CHRDL1: variants seen among roughly 807,000 people sequenced by gnomAD.
The protein encoded by CHRDL1 is chordin-like protein 1.
Under a neutral mutation model 40.9 loss-of-function variants are expected in CHRDL1, and 19 were observed. The observed-to-expected ratio is 0.46, with a 90% CI of 0.32 to 0.68. The LOEUF (loss-of-function observed/expected upper bound fraction) is 0.68, where lower values mean the gene tolerates loss of function less well. CHRDL1 is among the 30% of genes least tolerant of loss of function. The probability of loss-of-function intolerance (pLI) is 0.03; values close to 1 mark genes in which losing one functional copy is unlikely to be tolerated. For synonymous variants in CHRDL1, 136 were observed against 123.4 expected, an observed-to-expected ratio of 1.10 and a Z score of -0.68; for missense variants, 329 against 352.1, an observed-to-expected ratio of 0.93 and a Z score of 0.53.
At chrX:110,689,675 C>CTA (rs1222959441) in intron 8 of CHRDL1, among the ~76,000 whole-genome samples, 1 of 29,404 alleles carries the variant, frequency 3.4e-5, no homozygotes, top group Non-Finnish European at 4.9e-5. Flanking sequence ...ATCTATATAT[C>CTA]TATATATCTA....
intron 6 of CHRDL1, among the ~76,000 whole-genome samples, chrX:110,714,636 A>T (rs2070808558): frequency 9.0e-6 from 1 of 111,407 alleles, no homozygotes; most frequent in Admixed American, 9.6e-5. Context: ...CCCAGCCTCA[A>T]AGACACGTCT....
intron 6 of CHRDL1, among the ~76,000 whole-genome samples, chrX:110,715,951 C>T (rs2070833685): frequency 1.8e-5 from 2 of 112,391 alleles, no homozygotes; most frequent in African/African-American, 6.5e-5. Context: ...CAGACATATA[C>T]ACACACACAT....
At chrX:110,763,953 T>C (rs1000085891) in intron 2 of CHRDL1, among the ~76,000 whole-genome samples, 3 of 111,821 alleles carry the variant, frequency 2.7e-5, no homozygotes, top group African/African-American at 9.8e-5. Context: ...CTTGAAGGAG[T>C]AAGGTGGTAT....
chrX:110,701,681 G>T (rs1430144494), intron 6 of CHRDL1, among the ~76,000 whole-genome samples: 1 of 111,128 alleles, frequency 9.0e-6, no homozygotes, highest in Non-Finnish European at 1.9e-5. Flanking sequence ...GGGCATGGTG[G>T]TGTGCACCTG....
Position 110,678,364 on chromosome X carries a change from T to C in CHRDL1, c.1246+972A>G, listed in dbSNP as rs138607669. The stretch of plus-strand genomic sequence containing the variant: ...CTTACATTTGAACATTTTACTGGCT[T>C]TTTTTCAGGCCCTATGACTACTTTC... On this transcript the variant is annotated intron_variant, in intron 11 of 11. Coordinates refer to ENST00000372042, the MANE Select transcript of CHRDL1 (RefSeq NM_001143981.2). Among the ~76,000 whole-genome samples the C allele has an allele frequency of 5.1e-3, 575 of 111,960 alleles. 2 individuals are homozygous for C. The highest frequency in any genetic ancestry group is 0.018 in the African/African-American group (552 of 30,810).
intron 2 of CHRDL1, among the ~76,000 whole-genome samples, chrX:110,769,305 A>G (rs1055977540): frequency 1.8e-5 from 2 of 112,341 alleles, no homozygotes; most frequent in Admixed American, 1.9e-4. Context: ...TATAATAAAC[A>G]CACAAATTTT....
chrX:110,759,564 G>A, intron 4 of CHRDL1, 97 bp downstream of exon 4: 1 of 645,978 alleles, frequency 1.5e-6, no homozygotes, highest in Non-Finnish European at 2.6e-6. Flanking sequence ...TATCTGTCTG[G>A]AAGTTTCCCT....
At position 110,789,855 on chromosome X, in the gene CHRDL1, A is replaced by G. The variant is rs2090071854; in HGVS notation, c.94+2233T>C. Among the ~76,000 whole-genome samples the G allele has an allele frequency of 8.0e-5, 9 of 112,072 alleles. No homozygotes were observed. In the South Asian group the frequency reaches 3.3e-3, roughly 42 times the overall value. On this transcript the variant is annotated intron_variant, in intron 2 of 11. Transcript: ENST00000372042. Reference sequence around the variant, plus strand: ...TTTCATGTTGTTTTGTATAATAAGCATATATATTAATTTTATAATTTAAGA... The same window carrying G: ...TTTCATGTTGTTTTGTATAATAAGCGTATATATTAATTTTATAATTTAAGA...
At chrX:110,692,026 C>T (rs190352807) in intron 8 of CHRDL1, among the ~76,000 whole-genome samples, 1 of 110,401 alleles carries the variant, frequency 9.1e-6, no homozygotes, top group East Asian at 2.9e-4. Flanking sequence ...GATTCAAGTT[C>T]AAAATGGTGG....
intron 9 of CHRDL1, among the ~76,000 whole-genome samples, chrX:110,686,957 T>A (rs1043167102): frequency 1.9e-5 from 2 of 106,127 alleles, no homozygotes; most frequent in Non-Finnish European, 3.9e-5. Flanking sequence ...CATTTTCTCA[T>A]AAATTTCAAT....
chrX:110,744,961 TCACACACACA>T (rs530325738), intron 4 of CHRDL1, among the ~76,000 whole-genome samples: 2 of 84,531 alleles, frequency 2.4e-5, no homozygotes, highest in Middle Eastern at 4.5e-3. Context: ...TCTCTCTCAT[TCACACACACA>T]CACACACACA....
At chrX:110,716,041 T>G (rs1316615499) in intron 6 of CHRDL1, among the ~76,000 whole-genome samples, 1 of 112,554 alleles carries the variant, frequency 8.9e-6, no homozygotes, top group Non-Finnish European at 1.9e-5. Context: ...CCATATTGAC[T>G]TATGAGGGCT....
intron 4 of CHRDL1, among the ~76,000 whole-genome samples, chrX:110,725,745 G>A (rs982918025): frequency 1.1e-4 from 12 of 112,124 alleles, no homozygotes; most frequent in Non-Finnish European, 1.9e-4. Context: ...TCAGAGATCA[G>A]TTGCTAATCT....
At chrX:110,764,324 G>A (rs931331427) in intron 2 of CHRDL1, among the ~76,000 whole-genome samples, 7 of 112,186 alleles carry the variant, frequency 6.2e-5, no homozygotes, top group South Asian at 7.5e-4. Context: ...CTAAGCCAAT[G>A]TCTGTTGCGG....
At chrX:110,695,040 A>C (rs1262510116) in intron 7 of CHRDL1, among the ~76,000 whole-genome samples, 1 of 110,254 alleles carries the variant, frequency 9.1e-6, no homozygotes, top group Non-Finnish European at 1.9e-5. Context: ...TTTTTTTTTT[A>C]AAGTTAGAGA....
At position 110,684,006 on chromosome X, in the gene CHRDL1, T is replaced by G. The variant is rs927976788; in HGVS notation, c.989-2357A>C. 3.6e-5 allele frequency among the ~76,000 whole-genome samples: 4 copies of G among 111,832 alleles called. No individual in the cohort carries two copies. The Admixed American group carries it at 3.8e-4, about 11-fold the overall frequency. ...CCCTAATAAAACCCCATGTCTTGTT[T>G]GCTGGCTCTGGATCTTTTCTTCGGC... On this transcript the variant is annotated intron_variant, in intron 9 of 11. Transcript: ENST00000372042.
chrX:110,793,112 A>C (rs1602439250), intron 1 of CHRDL1, among the ~76,000 whole-genome samples: 1 of 112,378 alleles, frequency 8.9e-6, no homozygotes, highest in African/African-American at 3.2e-5. Flanking sequence ...CCAATGGGTG[A>C]TCTGAAAATA....
chrX:110,761,010 T>C (rs1377484749), intron 3 of CHRDL1, among the ~76,000 whole-genome samples: 1 of 111,610 alleles, frequency 9.0e-6, no homozygotes, highest in African/African-American at 3.3e-5. Flanking sequence ...ATAACGATGA[T>C]GATGATAACC....
In CHRDL1 at chrX:110,674,807, A is replaced by G. The variant is rs1400192053; in HGVS notation, c.*1424T>C. 1 of 112,249 alleles carries G rather than the reference A, an allele frequency of 8.9e-6. No individual in the cohort carries two copies. The highest frequency in any genetic ancestry group is 1.9e-5 in the Non-Finnish European group (1 of 53,197). 9.3% of individuals were successfully genotyped at this position (112,249 alleles called of 1,213,427 possible). A position where few individuals can be genotyped will look rare whatever the true frequency, so the allele number is the denominator to read the frequency against. ...CAGTTCATTCCTGCCCCTCAGAGGG[A>G]ACAAATCTAGAAGGCATGCCTGAGA... On this transcript the variant is annotated 3_prime_UTR_variant, in exon 12 of 12. Coordinates refer to ENST00000372042, the MANE Select transcript of CHRDL1 (RefSeq NM_001143981.2).
Sources: gnomAD v4.1 joint callset for allele counts (sites outside exome capture counted in the v4.1 genomes callset) on GRCh38, gnomAD v4.1.1 for gene constraint, MANE v1.5 for transcripts, NCBI Gene and HGNC (gene_info 2026-07-23, HGNC 2026-07-21) for gene names.